Variants in MYO3A observed in about 807,000 individuals in gnomAD.
The protein encoded by MYO3A is myosin-IIIa.
Under a neutral mutation model 192.7 loss-of-function variants are expected in MYO3A, and 180 were observed. The ratio of observed to expected loss-of-function variants is 0.93; its 90% confidence interval spans 0.83 to 1.06. MYO3A has a LOEUF of 1.06. Ranked by LOEUF, MYO3A falls within the 50% of genes least tolerant of loss-of-function variation. The pLI is 0.00. For synonymous variants in MYO3A, 628 were observed against 645.3 expected (o/e 0.97, Z 0.41); for missense variants, 1,896 against 1,905.0 (o/e 1.00, Z 0.09).
At chr10:26,211,624 A>AG (rs976320174) in intron 34 of MYO3A, among the ~76,000 whole-genome samples, 11 of 134,290 alleles carry the variant, frequency 8.2e-5, no homozygotes, top group African/African-American at 4.4e-4. Context: ...ACCAGGCTCC[A>AG]CCAGCCCCTC....
intron 4 of MYO3A, among the ~76,000 whole-genome samples, chr10:25,989,084 T>A (rs1366467854): frequency 6.6e-5 from 10 of 151,630 alleles, no homozygotes; most frequent in Non-Finnish European, 1.5e-5. Context: ...GAACCTCAGC[T>A]ATGTGCCACT....
chr10:26,067,102 G>C, intron 11 of MYO3A, 28 bp downstream of exon 11: 4 of 1,431,546 alleles, frequency 2.8e-6, no homozygotes, highest in Non-Finnish European at 3.0e-6. Flanking sequence ...ATTAAACTTA[G>C]ACATTCCAGA....
intron 10 of MYO3A, among the ~76,000 whole-genome samples, chr10:26,039,019 GTTTT>G (rs938304829): frequency 7.0e-6 from 1 of 142,404 alleles, no homozygotes; most frequent in Non-Finnish European, 1.6e-5. Flanking sequence ...TAATGAATGA[GTTTT>G]TGTTTGTTTG....
intron 10 of MYO3A, among the ~76,000 whole-genome samples, chr10:26,060,013 T>G (rs1446051213): frequency 6.6e-6 from 1 of 152,154 alleles, no homozygotes; most frequent in Non-Finnish European, 1.5e-5. Context: ...ATCCCAGCAC[T>G]TTGGGAGGCC....
intron 4 of MYO3A, among the ~76,000 whole-genome samples, chr10:25,973,596 G>A (rs1564418572): frequency 6.6e-6 from 1 of 152,082 alleles, no homozygotes; most frequent in Non-Finnish European, 1.5e-5. Flanking sequence ...TGCTCATTCA[G>A]TATTTTATTG....
chr10:26,006,953 C>A (rs1841261791), intron 6 of MYO3A, among the ~76,000 whole-genome samples: 2 of 148,952 alleles, frequency 1.3e-5, no homozygotes, highest in African/African-American at 2.6e-5. Context: ...GACCAATATC[C>A]TTGATGAACA....
At chr10:26,196,858 G>A (rs1356670631) in intron 32 of MYO3A, among the ~76,000 whole-genome samples, 2 of 151,796 alleles carry the variant, frequency 1.3e-5, no homozygotes, top group African/African-American at 4.8e-5. Flanking sequence ...GTGATATTTC[G>A]ATACAAGCAT....
At chr10:25,940,023 A>G (rs1269605910) in intron 2 of MYO3A, among the ~76,000 whole-genome samples, 1 of 152,048 alleles carries the variant, frequency 6.6e-6, no homozygotes, top group African/African-American at 2.4e-5. Context: ...AGCTAGCCAC[A>G]TCACTTTCTT....
chr10:26,010,384 A>T (rs1334985259), intron 6 of MYO3A, among the ~76,000 whole-genome samples: 1 of 152,102 alleles, frequency 6.6e-6, no homozygotes, highest in Admixed American at 6.6e-5. Context: ...TGTTATATGC[A>T]AAATGTCTGA....
At chr10:25,966,513 A>C (rs919061894) in intron 4 of MYO3A, among the ~76,000 whole-genome samples, 2 of 152,228 alleles carry the variant, frequency 1.3e-5, no homozygotes, top group Non-Finnish European at 2.9e-5. Context: ...ACCTTTTGTG[A>C]AAAGAGTAGT....
At chr10:26,188,701 A>G (rs1398816607) in intron 31 of MYO3A, among the ~76,000 whole-genome samples, 1 of 152,238 alleles carries the variant, frequency 6.6e-6, no homozygotes, top group Non-Finnish European at 1.5e-5. Context: ...AGCTTTCTAC[A>G]TATGGCTAGC....
rs1283305918 is a variant in MYO3A at position 26,083,191 on chromosome 10, C to T, written c.1360-5012C>T. The stretch of plus-strand genomic sequence containing the variant: ...AAGTAAAATAAAGATTATTTGACTG[C>T]AAGAACTGTGATACTGTGACAAACT... On this transcript the variant is annotated intron_variant, in intron 14 of 34. Coordinates refer to ENST00000642920, the MANE Select transcript of MYO3A (RefSeq NM_017433.5). Among the ~76,000 whole-genome samples, 4 of 152,086 alleles carry T rather than the reference C, an allele frequency of 2.6e-5. No individual in the cohort carries two copies. The South Asian group carries it at 6.2e-4, about 24-fold the overall frequency.
At chr10:25,962,104 A>G (rs1408688810) in intron 4 of MYO3A, among the ~76,000 whole-genome samples, 1 of 152,182 alleles carries the variant, frequency 6.6e-6, no homozygotes, top group Non-Finnish European at 1.5e-5. Flanking sequence ...ACAACGAAAA[A>G]TCACTTTACT....
intron 4 of MYO3A, among the ~76,000 whole-genome samples, chr10:25,959,805 G>A (rs1024190738): frequency 3.4e-5 from 1 of 29,648 alleles, no homozygotes; most frequent in Non-Finnish European, 7.5e-5. Context: ...TAACCTGGGT[G>A]TGTGTGTGTG....
At chr10:26,206,885 AG>A (rs1443915305) in intron 34 of MYO3A, among the ~76,000 whole-genome samples, 35 of 152,302 alleles carry the variant, frequency 2.3e-4, no homozygotes, top group African/African-American at 7.9e-4. Flanking sequence ...TGTTTTTTAT[AG>A]TAGCCATCCT....
chr10:26,004,355 A>G (rs1220366949), intron 6 of MYO3A, among the ~76,000 whole-genome samples: 1 of 152,144 alleles, frequency 6.6e-6, no homozygotes, highest in East Asian at 1.9e-4. Flanking sequence ...TTACTGTTAC[A>G]GAAAAGAATT....
intron 6 of MYO3A, among the ~76,000 whole-genome samples, chr10:25,998,065 T>C (rs1261006473): frequency 6.6e-6 from 1 of 152,196 alleles, no homozygotes; most frequent in Non-Finnish European, 1.5e-5. Flanking sequence ...CTTCCTTGTT[T>C]GCATTTATCG....
chr10:26,153,951 T>A, intron 24 of MYO3A, 22 bp downstream of exon 24: 1 of 1,501,218 alleles, frequency 6.7e-7, no homozygotes, highest in Non-Finnish European at 9.3e-7. Flanking sequence ...CTTTTTTTCT[T>A]GGCAGTGAGT....
intron 2 of MYO3A, among the ~76,000 whole-genome samples, chr10:25,946,668 A>T (rs966288281): frequency 1.3e-5 from 2 of 151,800 alleles, no homozygotes; most frequent in African/African-American, 4.8e-5. Flanking sequence ...TCACGAGGTC[A>T]GGAGATCAAG....
Sources: allele counts gnomAD v4.1 joint callset (sites outside exome capture counted in the v4.1 genomes callset), GRCh38; gene constraint gnomAD v4.1.1; transcripts MANE v1.5; gene names NCBI Gene and HGNC (gene_info 2026-07-23, HGNC 2026-07-21).